SYN3: variants seen among roughly 807,000 people sequenced by gnomAD.
SYN3 encodes synapsin III.
In SYN3, 35 loss-of-function variants were observed where a neutral mutation model predicts 65.8. That is an observed-to-expected ratio of 0.53 (90% CI 0.41 to 0.70). SYN3 has a LOEUF of 0.70. SYN3 is among the 30% of genes least tolerant of loss of function. The pLI, the probability that SYN3 is intolerant of heterozygous loss-of-function variation, is 0.00. For synonymous variants in SYN3, 270 were observed against 292.9 expected (o/e 0.92, Z 0.80); for missense variants, 680 against 749.0 (o/e 0.91, Z 1.08).
chr22:32,883,117 A>C (rs1327834141), intron 4 of SYN3, among the ~76,000 whole-genome samples: 2 of 152,236 alleles, frequency 1.3e-5, no homozygotes, highest in South Asian at 4.1e-4. Context: ...ATGAAACTAA[A>C]GGGAGCTATT....
chr22:32,910,615 G>C (rs1210209251), intron 4 of SYN3, among the ~76,000 whole-genome samples: 1 of 144,004 alleles, frequency 6.9e-6, no homozygotes, highest in Non-Finnish European at 1.5e-5. Context: ...GCAGCTGTCT[G>C]ACCTTGGACG....
chr22:32,528,143 A>G, intron 11 of SYN3, 138 bp from the exon 12 acceptor site: 1 of 690,390 alleles, frequency 1.4e-6, no homozygotes, highest in Non-Finnish European at 2.3e-6. Context: ...TGGAGTATAC[A>G]GTGTAGTGAA....
At chr22:32,885,180 T>C (rs1395813073) in intron 4 of SYN3, among the ~76,000 whole-genome samples, 1 of 151,998 alleles carries the variant, frequency 6.6e-6, no homozygotes, top group Non-Finnish European at 1.5e-5. Context: ...AAAAGACTTT[T>C]GACAGTATCT....
chr22:32,556,834 T>TTTTTTTTG (rs1569035464), intron 7 of SYN3, among the ~76,000 whole-genome samples: 17 of 129,296 alleles, frequency 1.3e-4, no homozygotes, highest in Non-Finnish European at 2.6e-4. Flanking sequence ...TTTTTTTTTT[T>TTTTTTTTG]TGTGTGTAGA....
In SYN3 at chr22:32,541,638, C is replaced by G; in HGVS notation, c.850G>C (p.Glu284Gln). The part of the protein sequence containing the change: ...VAMAKTYATT[E>Q]AFIDSKYDIR... ...TCGTACTTGGAGTCGATGAAGGCCT[C>G]GGTGGTGGCGTAGGTTTTGGCCATG... The change falls in exon 8 of 14, where the codon GAG becomes CAG. Residue 284 changes from glutamate (E) to glutamine (Q), a missense_variant. By Grantham distance (29) the Glu-to-Gln change is conservative (BLOSUM62 2). Coordinates refer to ENST00000358763, the MANE Select transcript of SYN3 (RefSeq NM_003490.4). The G allele has an allele frequency of 6.2e-7, 1 of 1,614,038 alleles. No homozygotes were observed. The highest frequency in any genetic ancestry group is 8.5e-7 in the Non-Finnish European group (1 of 1,179,996).
intron 6 of SYN3, among the ~76,000 whole-genome samples, chr22:32,829,216 G>A (rs996001886): frequency 6.6e-6 from 1 of 152,186 alleles, no homozygotes; most frequent in African/African-American, 2.4e-5. Context: ...CATGAGGTGC[G>A]TTGAACATTA....
intron 6 of SYN3, among the ~76,000 whole-genome samples, chr22:32,634,499 A>G (rs147587666): frequency 6.6e-6 from 1 of 152,332 alleles, no homozygotes; most frequent in Non-Finnish European, 1.5e-5. Context: ...AAGGATTCTC[A>G]GTTAAGATCT....
intron 6 of SYN3, among the ~76,000 whole-genome samples, chr22:32,604,482 C>G (rs536681566): frequency 1.2e-4 from 18 of 150,808 alleles, no homozygotes; most frequent in South Asian, 2.1e-4. Flanking sequence ...CCCTGAGATA[C>G]CCTCCCTCAC....
chr22:32,959,951 CA>C (rs1159273563), intron 3 of SYN3, among the ~76,000 whole-genome samples: 1 of 152,164 alleles, frequency 6.6e-6, no homozygotes, highest in Non-Finnish European at 1.5e-5. Flanking sequence ...ACGCATCAAA[CA>C]GAGCAGTAAT....
At chr22:32,568,013 G>A (rs75355454) in intron 7 of SYN3, among the ~76,000 whole-genome samples, 2,928 of 152,258 alleles carry the variant, frequency 0.019, 101 homozygotes, top group African/African-American at 0.067. Flanking sequence ...GGGACCGGAC[G>A]GTCACAGCTG....
intron 6 of SYN3, among the ~76,000 whole-genome samples, chr22:32,840,408 T>A (rs1240690059): frequency 6.6e-6 from 1 of 152,186 alleles, no homozygotes; most frequent in Non-Finnish European, 1.5e-5. Flanking sequence ...AGAAGGGCCC[T>A]GGGGGACCAG....
rs1158449725 is a variant in SYN3 at position 32,556,800 on chromosome 22, CCTGGTTT to C, written c.775-15094_775-15088del. Reference sequence around the variant, plus strand: ...ACCCAATGACCCAATCTATAGGTTTCCTGGTTTTTTTTTTTTTTTTTTTTTTTTTTTT... The same window carrying C: ...ACCCAATGACCCAATCTATAGGTTTCTTTTTTTTTTTTTTTTTTTTTTTTT... On this transcript the variant is annotated intron_variant, in intron 7 of 13. Coordinates refer to ENST00000358763, the MANE Select transcript of SYN3 (RefSeq NM_003490.4). Among the ~76,000 whole-genome samples, 21 of 12,002 alleles carry C rather than the reference CCTGGTTT, an allele frequency of 1.7e-3. 4 individuals are homozygous for C. The highest frequency in any genetic ancestry group is 2.7e-3 in the African/African-American group (11 of 4,148). The allele number at this position is 12,002 out of a possible 152,430, so 7.9% of individuals were successfully genotyped here.
intron 6 of SYN3, among the ~76,000 whole-genome samples, chr22:32,725,648 A>G (rs1435175804): frequency 6.6e-6 from 1 of 152,170 alleles, no homozygotes; most frequent in South Asian, 2.1e-4. Context: ...GGCAGGGGCC[A>G]TGAGCCAAGG....
intron 7 of SYN3, among the ~76,000 whole-genome samples, chr22:32,577,093 C>T (rs2058862167): frequency 6.6e-6 from 1 of 152,158 alleles, no homozygotes; most frequent in South Asian, 2.1e-4. Context: ...CAGTCAATCA[C>T]ATTAGAGTCC....
At chr22:32,611,567 C>T (rs2059446625) in intron 6 of SYN3, among the ~76,000 whole-genome samples, 1 of 152,132 alleles carries the variant, frequency 6.6e-6, no homozygotes, top group Non-Finnish European at 1.5e-5. Flanking sequence ...GCTGCGATTA[C>T]AGGCTTGAGC....
intron 7 of SYN3, among the ~76,000 whole-genome samples, chr22:32,552,926 T>C (rs2710379): frequency 0.018 from 2,797 of 152,316 alleles, 65 homozygotes; most frequent in African/African-American, 0.063. Flanking sequence ...AGACATTTAT[T>C]TCCCACAGTT....
chr22:32,948,606 G>A (rs1012817910), intron 3 of SYN3, among the ~76,000 whole-genome samples: 1 of 152,008 alleles, frequency 6.6e-6, no homozygotes, highest in East Asian at 1.9e-4. Context: ...GCGTGGTGGC[G>A]GGTGCCTGTA....
At chr22:32,707,378 C>A (rs937011087) in intron 6 of SYN3, among the ~76,000 whole-genome samples, 1 of 152,194 alleles carries the variant, frequency 6.6e-6, no homozygotes, top group Non-Finnish European at 1.5e-5. Context: ...CACTCCTAGA[C>A]CTCAACTTGT....
intron 7 of SYN3, among the ~76,000 whole-genome samples, chr22:32,589,418 C>T (rs1250262794): frequency 6.6e-6 from 1 of 152,192 alleles, no homozygotes; most frequent in Non-Finnish European, 1.5e-5. Context: ...GTTATGGACC[C>T]CTTTCCCCCA....
Sources: allele counts gnomAD v4.1 joint callset (sites outside exome capture counted in the v4.1 genomes callset), GRCh38; gene constraint gnomAD v4.1.1; transcripts MANE v1.5; gene names NCBI Gene and HGNC (gene_info 2026-07-23, HGNC 2026-07-21).